Variants in SOX6 observed in about 807,000 individuals in gnomAD.
SOX6 encodes SRY-box transcription factor 6.
A neutral mutation model predicts 97.8 loss-of-function variants in SOX6; 11 were observed. That is an observed-to-expected ratio of 0.11 (90% CI 0.07 to 0.19). The LOEUF (loss-of-function observed/expected upper bound fraction) is 0.19. Among genes scored for constraint, SOX6 ranks in the 10% least tolerant of loss-of-function variants. The pLI, the probability that SOX6 is intolerant of heterozygous loss-of-function variation, is 1.00. For missense variants in SOX6, 810 were observed against 1,039.5 expected, an observed-to-expected ratio of 0.78 and a Z score of 3.04; for synonymous variants, 360 against 371.4, an observed-to-expected ratio of 0.97 and a Z score of 0.35.
intron 1 of SOX6, among the ~76,000 whole-genome samples, chr11:16,423,977 C>T (rs1399686556): frequency 6.6e-6 from 1 of 152,104 alleles, no homozygotes; most frequent in Non-Finnish European, 1.5e-5. Context: ...CTGTGATGAG[C>T]CATTTTAGTC....
intron 3 of SOX6, among the ~76,000 whole-genome samples, chr11:16,639,859 G>A (rs1848866584): frequency 1.3e-5 from 2 of 152,088 alleles, no homozygotes; most frequent in African/African-American, 2.4e-5. Flanking sequence ...CTGCAAACAG[G>A]GACAATTTGA....
Position 16,462,213 on chromosome 11 carries a change from T to C in SOX6, c.-5+14102A>G, listed in dbSNP as rs181053485. On this transcript the variant is annotated intron_variant, in intron 1 of 15. Transcript: ENST00000396356. The stretch of plus-strand genomic sequence containing the variant: ...CCATCCAGAATGAAGATCCTAATAG[T>C]GTCAGAACACTTCTCACTATGCTAT... 6.6e-5 allele frequency among the ~76,000 whole-genome samples: 10 copies of C among 152,364 alleles called. No homozygotes were observed. In the East Asian group the frequency reaches 1.9e-3, roughly 29 times the overall value.
At position 16,234,668 on chromosome 11, in the gene SOX6, G is replaced by A. The variant is rs760380766; in HGVS notation, c.449C>T (p.Ser150Phe). ...TGAAAGTAGTTTTTCCATGCAGGAGGAATCTATTAAAATACAAAAGTAAGT... is the reference window on the plus strand; with the variant it reads ...TGAAAGTAGTTTTTCCATGCAGGAGAAATCTATTAAAATACAAAAGTAAGT... The part of the protein sequence containing the change: ...EEMTRTEQED[S>F]SCMEKLLSKD... Residue 150 changes from serine (S) to phenylalanine (F), a missense_variant, in exon 4 of 16, where the codon TCC becomes TTC. Ser to Phe is a radical substitution (Grantham distance 155). Transcript: ENST00000683767. 3 of 1,548,934 alleles carry A rather than the reference G, an allele frequency of 1.9e-6. No individual in the cohort carries two copies. The highest frequency in any genetic ancestry group is 4.6e-5 in the East Asian group (2 of 43,748).
chr11:16,581,822 C>T (rs1480093773), intron 4 of SOX6, among the ~76,000 whole-genome samples: 2 of 151,642 alleles, frequency 1.3e-5, no homozygotes, highest in Non-Finnish European at 2.9e-5. Context: ...ATTAGCCAGG[C>T]GTGGTGGCAC....
At chr11:16,737,474 G>C (rs902208453) in intron 1 of SOX6, among the ~76,000 whole-genome samples, 1 of 151,878 alleles carries the variant, frequency 6.6e-6, no homozygotes, top group African/African-American at 2.4e-5. Context: ...CAAAATGCTG[G>C]GGATTACAGG....
intron 3 of SOX6, among the ~76,000 whole-genome samples, chr11:16,280,266 G>A (rs1218336702): frequency 2.6e-5 from 4 of 151,876 alleles, no homozygotes; most frequent in Non-Finnish European, 4.4e-5. Flanking sequence ...TTTGGATTTT[G>A]TCCTTGATTT....
chr11:16,736,219 G>A (rs1167973770), intron 2 of SOX6: 1 of 152,088 alleles, frequency 6.6e-6, no homozygotes. Context: ...TTCTGAAGGA[G>A]GTATTTCATT....
intron 15 of SOX6, among the ~76,000 whole-genome samples, chr11:15,983,025 C>A (rs1261656831): frequency 6.6e-6 from 1 of 151,972 alleles, no homozygotes; most frequent in Admixed American, 6.6e-5. Context: ...TATTTGAAAC[C>A]AGCTATGTGT....
At chr11:16,470,794 C>A (rs1272146151) in intron 1 of SOX6, among the ~76,000 whole-genome samples, 2 of 152,132 alleles carry the variant, frequency 1.3e-5, no homozygotes, top group Non-Finnish European at 2.9e-5. Context: ...AAAGATAATT[C>A]CTACTCATTC....
At chr11:16,409,678 A>T (rs1161831368) in intron 1 of SOX6, among the ~76,000 whole-genome samples, 1 of 152,230 alleles carries the variant, frequency 6.6e-6, no homozygotes, top group Non-Finnish European at 1.5e-5. Context: ...TCTACCAATA[A>T]TACCATATTC....
intron 4 of SOX6, among the ~76,000 whole-genome samples, chr11:16,611,257 C>T (rs946235522): frequency 2.0e-5 from 3 of 152,252 alleles, no homozygotes; most frequent in African/African-American, 4.8e-5. Flanking sequence ...TTTAAAACAC[C>T]CACGCAAAAA....
At chr11:16,664,147 C>T (rs559519435) in intron 3 of SOX6, among the ~76,000 whole-genome samples, 2 of 152,202 alleles carry the variant, frequency 1.3e-5, no homozygotes, top group African/African-American at 4.8e-5. Flanking sequence ...ACAAAGGAAG[C>T]CTCCACTCTT....
At chr11:16,308,604 G>A (rs1295908974) in intron 3 of SOX6, among the ~76,000 whole-genome samples, 1 of 152,074 alleles carries the variant, frequency 6.6e-6, no homozygotes, top group African/African-American at 2.4e-5. Context: ...CAATATAAAT[G>A]GTTGGCTAGA....
intron 13 of SOX6, among the ~76,000 whole-genome samples, chr11:15,997,911 C>A (rs1397697814): frequency 6.6e-6 from 1 of 151,742 alleles, no homozygotes; most frequent in Non-Finnish European, 1.5e-5. Flanking sequence ...TGAAACCCTG[C>A]TCTACTAAAA....
At chr11:16,265,762 A>G (rs929186140) in intron 3 of SOX6, among the ~76,000 whole-genome samples, 6 of 152,078 alleles carry the variant, frequency 3.9e-5, no homozygotes, top group African/African-American at 1.4e-4. Flanking sequence ...ACAAAAAATT[A>G]TTTTAATCAA....
At chr11:16,137,444 A>G (rs1028049970) in intron 6 of SOX6, among the ~76,000 whole-genome samples, 1 of 152,090 alleles carries the variant, frequency 6.6e-6, no homozygotes, top group African/African-American at 2.4e-5. Flanking sequence ...AAATAAAATA[A>G]AATAAATAAA....
chr11:16,725,339 C>T (rs974336889), intron 2 of SOX6, among the ~76,000 whole-genome samples: 1 of 152,072 alleles, frequency 6.6e-6, no homozygotes, highest in African/African-American at 2.4e-5. Flanking sequence ...GTGTGGACAA[C>T]ATGGTGAAAC....
chr11:16,342,162 T>A (rs1856658331), intron 1 of SOX6, among the ~76,000 whole-genome samples: 1 of 151,966 alleles, frequency 6.6e-6, no homozygotes, highest in Non-Finnish European at 1.5e-5. Flanking sequence ...CATTCTGTGC[T>A]CTCATATAAA....
At chr11:16,650,838 C>T (rs568179081) in intron 3 of SOX6, among the ~76,000 whole-genome samples, 16 of 151,396 alleles carry the variant, frequency 1.1e-4, no homozygotes, top group East Asian at 5.8e-4. Context: ...AACAAAAAGC[C>T]GGTTCTTTGA....
Sources: allele counts gnomAD v4.1 joint callset (sites outside exome capture counted in the v4.1 genomes callset), GRCh38; gene constraint gnomAD v4.1.1; transcripts MANE v1.5; gene names NCBI Gene and HGNC (gene_info 2026-07-23, HGNC 2026-07-21).